The following PANK3 variants were observed in gnomAD, a reference collection of about 807,000 sequenced individuals.
The protein encoded by PANK3 is pantothenate kinase 3.
In PANK3, 20 loss-of-function variants were observed where a neutral mutation model predicts 39.4. The ratio of observed to expected loss-of-function variants is 0.51; its 90% CI spans 0.36 to 0.74. The LOEUF (loss-of-function observed/expected upper bound fraction) is 0.74, where lower values mean the gene tolerates loss of function less well. Ranked by LOEUF, PANK3 falls within the 30% of genes least tolerant of loss-of-function variation. PANK3 has a pLI of 0.00. For synonymous variants in PANK3, 140 were observed against 157.3 expected, an observed-to-expected ratio of 0.89 and a Z score of 0.82; for missense variants, 265 against 437.0, an observed-to-expected ratio of 0.61 and a Z score of 3.51.
chr5:168,576,126 C>T (rs1220959692), intron 1 of PANK3, among the ~76,000 whole-genome samples: 2 of 152,108 alleles, frequency 1.3e-5, no homozygotes, highest in African/African-American at 4.8e-5. Context: ...TTAGTTATTT[C>T]TAAGGGGAGC....
chr5:168,558,963 G>A, intron 6 of PANK3, 69 bp downstream of exon 6: 3 of 1,462,164 alleles, frequency 2.1e-6, no homozygotes, highest in South Asian at 1.3e-5. Context: ...AAGCCTGAGT[G>A]ACAGAGCAAG....
intron 6 of PANK3, among the ~76,000 whole-genome samples, chr5:168,558,581 G>A (rs1298845559): frequency 6.6e-6 from 1 of 152,196 alleles, no homozygotes; most frequent in African/African-American, 2.4e-5. Context: ...AAAACATTAT[G>A]TGGACTGATA....
Position 168,551,583 on chromosome 5 carries a change from G to C in PANK3, c.*5988C>G, listed in dbSNP as rs1440957804. The C allele has an allele frequency of 6.6e-6, 1 of 152,148 alleles. No homozygotes were observed. Among genetic ancestry groups the C allele is most frequent in the Non-Finnish European group, 1.5e-5 (1 of 68,022 alleles). The allele number at this position is 152,148 out of a possible 1,614,324, so 9.4% of individuals were successfully genotyped here. Reference sequence around the variant, plus strand: ...AAGAACATATGGAAATTACTATCCAGTTAAGCTTTCCATCCAAGAAAACAA... The same window carrying C: ...AAGAACATATGGAAATTACTATCCACTTAAGCTTTCCATCCAAGAAAACAA... On this transcript the variant is annotated 3_prime_UTR_variant, in exon 7 of 7. Transcript: ENST00000239231.
Position 168,552,760 on chromosome 5 carries a change from CACAA to C in PANK3, c.*4807_*4810del, listed in dbSNP as rs144672632. The C allele has an allele frequency of 5.3e-4, 92 of 172,054 alleles. 2 individuals are homozygous for C. In the East Asian group the frequency reaches 0.011, roughly 20 times the overall value. The allele number at this position is 172,054 out of a possible 1,614,324, so 10.7% of individuals were successfully genotyped here. Reference sequence around the variant, plus strand: ...GTAAAGTCCTTCCTGCCCTTTCAACCACAAACAGAGAGACTACAGTCAAGAAGAT... The same window carrying C: ...GTAAAGTCCTTCCTGCCCTTTCAACCACAGAGAGACTACAGTCAAGAAGAT... On this transcript the variant is annotated 3_prime_UTR_variant, in exon 7 of 7. Coordinates refer to ENST00000239231, the MANE Select transcript of PANK3 (RefSeq NM_024594.4).
At chr5:168,572,661 G>A (rs1170731083) in intron 1 of PANK3, among the ~76,000 whole-genome samples, 1 of 152,168 alleles carries the variant, frequency 6.6e-6, no homozygotes, top group Non-Finnish European at 1.5e-5. Flanking sequence ...CTTCTTTTGA[G>A]GATCTTCAGT....
chr5:168,563,544 A>G (rs930451145), intron 4 of PANK3, among the ~76,000 whole-genome samples: 1 of 152,074 alleles, frequency 6.6e-6, no homozygotes, highest in South Asian at 2.1e-4. Context: ...GGTCAACAAC[A>G]TGTAAAGATT....
Position 168,561,553 on chromosome 5 carries a change from T to G in PANK3, c.813-37A>C, listed in dbSNP as rs1388591927. 3.9e-6 allele frequency: 6 copies of G among 1,519,578 alleles called. No individual in the cohort carries two copies. The African/African-American group carries it at 8.4e-5, about 21-fold the overall frequency. The allele number at this position is 1,519,578 out of a possible 1,614,324, so 94.1% of individuals were successfully genotyped here. ...TGAAAAATAAAGTCAAATCTGCTGA[T>G]AAAAAGCAACATTTTACGTATTAAC... On this transcript the variant is annotated intron_variant, in intron 4 of 6. Coordinates refer to ENST00000239231, the MANE Select transcript of PANK3 (RefSeq NM_024594.4).
chr5:168,557,682 C>A, intron 6 of PANK3, 61 bp from the exon 7 acceptor site: 1 of 1,339,896 alleles, frequency 7.5e-7, no homozygotes, highest in African/African-American at 1.4e-5. Context: ...ATAATATTAA[C>A]CACTTGAGAA....
In PANK3 at chr5:168,553,150, G is replaced by GT; in HGVS notation, c.*4420dup. On this transcript the variant is annotated 3_prime_UTR_variant, in exon 7 of 7. Coordinates refer to ENST00000239231, the MANE Select transcript of PANK3 (RefSeq NM_024594.4). ...ACTTTATAGGACAGCTGGAAGGATG[G>GT]TAAAGCCCAGTATCACTGGGCATAG... 1 of 456,532 alleles carries GT rather than the reference G, an allele frequency of 2.2e-6. No individual in the cohort carries two copies. The highest frequency in any genetic ancestry group is 1.7e-5 in the South Asian group (1 of 58,910). 28.3% of individuals were successfully genotyped at this position (456,532 alleles called of 1,614,324 possible). A position where few individuals can be genotyped will look rare whatever the true frequency, so the allele number is the denominator to read the frequency against.
Position 168,556,508 on chromosome 5 carries a change from C to T in PANK3, c.*1063G>A, listed in dbSNP as rs1395873803. The T allele has an allele frequency of 1.3e-5, 2 of 152,544 alleles. No homozygotes were observed. The highest frequency in any genetic ancestry group is 2.1e-4 in the South Asian group (1 of 4,818). 9.4% of individuals were successfully genotyped at this position (152,544 alleles called of 1,614,324 possible). ...AATAACAGTATTTTAGTTATCAGGT[C>T]TCACCATTCCCTCTGGTTGTTGAGC... is the stretch of plus-strand genomic sequence containing the variant. On this transcript the variant is annotated 3_prime_UTR_variant, in exon 7 of 7. Transcript: ENST00000239231.
intron 1 of PANK3, among the ~76,000 whole-genome samples, chr5:168,570,350 A>C (rs1759607362): frequency 6.7e-6 from 1 of 149,090 alleles, no homozygotes; most frequent in South Asian, 2.1e-4. Flanking sequence ...GCGCCATTGC[A>C]CTCCAGCCTG....
At chr5:168,565,455 C>T (rs1379197661) in intron 3 of PANK3, among the ~76,000 whole-genome samples, 1 of 151,880 alleles carries the variant, frequency 6.6e-6, no homozygotes, top group Non-Finnish European at 1.5e-5. Flanking sequence ...TAAGGGTTTA[C>T]ATATATTAAT....
At chr5:168,559,898 T>G (rs899692449) in intron 5 of PANK3, among the ~76,000 whole-genome samples, 3 of 152,198 alleles carry the variant, frequency 2.0e-5, no homozygotes, top group African/African-American at 7.2e-5. Flanking sequence ...CCTGCCTGAT[T>G]CATCAAATCA....
intron 5 of PANK3, chr5:168,561,056 C>A (rs554626499): frequency 2.5e-5 from 7 of 281,212 alleles, no homozygotes; most frequent in South Asian, 1.8e-4. Flanking sequence ...CTTCCAAATG[C>A]AAAATTAAGA....
At chr5:168,576,093 TAA>T (rs1490601860) in intron 1 of PANK3, among the ~76,000 whole-genome samples, 1 of 152,154 alleles carries the variant, frequency 6.6e-6, no homozygotes, top group Non-Finnish European at 1.5e-5. Flanking sequence ...CAGCTTCAGG[TAA>T]GTGGTTTTTT....
chr5:168,561,753 A>C (rs1230352152), intron 4 of PANK3, among the ~76,000 whole-genome samples: 1 of 152,178 alleles, frequency 6.6e-6, no homozygotes, highest in African/African-American at 2.4e-5. Context: ...TATTATAAGA[A>C]AGCAAAGATT....
chr5:168,561,274 T>A (rs1422297922), intron 5 of PANK3, 119 bp downstream of exon 5: 4 of 801,564 alleles, frequency 5.0e-6, no homozygotes, highest in Non-Finnish European at 7.5e-6. Context: ...TGGCATTTAA[T>A]GGGTTACATC....
In PANK3 at chr5:168,563,899, C is replaced by CA; in HGVS notation, c.801dup (p.Val268CysfsTer4). 1 of 1,606,406 alleles carries CA rather than the reference C, an allele frequency of 6.2e-7. No homozygotes were observed. The highest frequency in any genetic ancestry group is 8.5e-7 in the Non-Finnish European group (1 of 1,176,908). The stretch of plus-strand genomic sequence containing the variant: ...AAATGTTAAACTTACCTAGATGCTA[C>CA]AGCCCAACCTGGCAAACCAAATCTT... On this transcript the variant is annotated frameshift_variant, in exon 4 of 7. Coordinates refer to ENST00000239231, the MANE Select transcript of PANK3 (RefSeq NM_024594.4). LOFTEE classifies it high-confidence loss of function.
At chr5:168,570,776 G>A (rs910511624) in intron 1 of PANK3, among the ~76,000 whole-genome samples, 5 of 152,184 alleles carry the variant, frequency 3.3e-5, no homozygotes, top group Non-Finnish European at 7.3e-5. Flanking sequence ...CACTACTGAC[G>A]TTCTAAGTAA....
Sources: allele counts gnomAD v4.1 joint callset (sites outside exome capture counted in the v4.1 genomes callset), GRCh38; gene constraint gnomAD v4.1.1; transcripts MANE v1.5; gene names NCBI Gene and HGNC (gene_info 2026-07-23, HGNC 2026-07-21).